Variants in CILK1 observed in about 807,000 individuals in gnomAD.
CILK1 encodes serine/threonine-protein kinase ICK.
Under a neutral mutation model 79.2 loss-of-function variants are expected in CILK1, and 47 were observed. That is an observed-to-expected ratio of 0.59 (90% CI 0.47 to 0.76). The LOEUF (loss-of-function observed/expected upper bound fraction) is 0.76, where lower values mean the gene tolerates loss of function less well. CILK1 is among the 30% of genes least tolerant of loss of function. The pLI is 0.00. For synonymous variants in CILK1, 266 were observed against 275.9 expected, an observed-to-expected ratio of 0.96 and a Z score of 0.36; for missense variants, 660 against 769.5, an observed-to-expected ratio of 0.86 and a Z score of 1.68.
intron 3 of CILK1, among the ~76,000 whole-genome samples, chr6:53,033,902 T>C (rs1168249642): frequency 6.6e-6 from 1 of 152,188 alleles, no homozygotes; most frequent in African/African-American, 2.4e-5. Flanking sequence ...AGAAGAATAG[T>C]TCCTGCCAAC....
At chr6:53,028,102 G>A (rs554767114) in intron 5 of CILK1, among the ~76,000 whole-genome samples, 38 of 148,878 alleles carry the variant, frequency 2.6e-4, no homozygotes, top group African/African-American at 8.5e-4. Context: ...AGCTGAGATC[G>A]CGCCACTGCA....
chr6:53,037,832 C>A, intron 3 of CILK1, 107 bp downstream of exon 3: 1 of 704,392 alleles, frequency 1.4e-6, no homozygotes, highest in African/African-American at 1.8e-5. Context: ...CCCTTTCCAG[C>A]ATTAGTGAAA....
At chr6:53,008,338 C>G (rs929985607) in intron 12 of CILK1, among the ~76,000 whole-genome samples, 6 of 151,822 alleles carry the variant, frequency 4.0e-5, no homozygotes, top group Non-Finnish European at 8.8e-5. Flanking sequence ...AATAAACACT[C>G]GATCAGGCTG....
At position 53,004,533 on chromosome 6, in the gene CILK1, A is replaced by G. The variant is rs1764109566; in HGVS notation, c.*616T>C. The G allele has an allele frequency of 6.6e-6, 1 of 152,510 alleles. No individual in the cohort carries two copies. The highest frequency in any genetic ancestry group is 1.5e-5 in the Non-Finnish European group (1 of 68,060). The allele number at this position is 152,510 out of a possible 1,614,324, so 9.4% of individuals were successfully genotyped here. On this transcript the variant is annotated 3_prime_UTR_variant, in exon 14 of 14. Coordinates refer to ENST00000676107, the MANE Select transcript of CILK1 (RefSeq NM_014920.5). ...TGGGGAACAAAAGTAAAACAAAGTG[A>G]ATTATATAATATAATAGTCCTTTTA...
Position 53,061,368 on chromosome 6 carries a change from T to C in CILK1, c.-173+228A>G, listed in dbSNP as rs974004105. 5.3e-5 allele frequency among the ~76,000 whole-genome samples: 8 copies of C among 152,308 alleles called. No homozygotes were observed. In the South Asian group the frequency reaches 1.0e-3, roughly 20 times the overall value. ...AATTAGCTAGGGTCTTCCCCCTCCT[T>C]AAGACTAAAAGATAAACACCCGTCA... On this transcript the variant is annotated intron_variant, in intron 1 of 13. Coordinates refer to ENST00000676107, the MANE Select transcript of CILK1 (RefSeq NM_014920.5).
rs199803961 is a variant in CILK1 at position 53,005,178 on chromosome 6, A to C, written c.1870T>G (p.Trp624Gly). Residue 624 changes from tryptophan (W) to glycine (G), a missense_variant, in exon 14 of 14, where the codon TGG becomes GGG. Physicochemically the swap from Trp to Gly is radical, Grantham distance 184 (BLOSUM62 -2). Transcript: ENST00000676107. ...CGCCGAGATGCGTACTTGGAAGCCCAGTCTGTCCGGCCATGCACTGGCTGG... is the reference window on the plus strand; with the variant it reads ...CGCCGAGATGCGTACTTGGAAGCCCCGTCTGTCCGGCCATGCACTGGCTGG... ...AAQPVHGRTD[W>G]ASKYASRR The C allele has an allele frequency of 6.8e-6, 11 of 1,614,252 alleles. No individual in the cohort carries two copies. In the African/African-American group the frequency reaches 1.3e-4, roughly 20 times the overall value.
chr6:53,004,822 C>A lies in CILK1; in HGVS notation c.*327G>T. ...ATTATCTGGAACCCCAAAGGAAAAT[C>A]AATTAATTTTTAAAAAGTTCATTAC... is the stretch of plus-strand genomic sequence containing the variant. On this transcript the variant is annotated 3_prime_UTR_variant, in exon 14 of 14. Transcript: ENST00000676107. 1 of 226,366 alleles carries A rather than the reference C, an allele frequency of 4.4e-6. No homozygotes were observed. Among genetic ancestry groups the A allele is most frequent in the Non-Finnish European group, 8.8e-6 (1 of 113,234 alleles). 14.0% of individuals were successfully genotyped at this position (226,366 alleles called of 1,614,324 possible). A position where few individuals can be genotyped will look rare whatever the true frequency, so the allele number is the denominator to read the frequency against.
chr6:53,023,488 A>T (rs1048692264), intron 5 of CILK1, among the ~76,000 whole-genome samples: 1 of 152,222 alleles, frequency 6.6e-6, no homozygotes, highest in African/African-American at 2.4e-5. Context: ...ATGAGACAGC[A>T]CTGAGAACTG....
At chr6:53,022,198 T>C (rs747159294) in intron 5 of CILK1, among the ~76,000 whole-genome samples, 1 of 152,180 alleles carries the variant, frequency 6.6e-6, no homozygotes, top group Non-Finnish European at 1.5e-5. Context: ...AGATTAATTA[T>C]TGAAGAAAGA....
At chr6:53,011,441 A>G (rs1764564253) in intron 11 of CILK1, among the ~76,000 whole-genome samples, 1 of 152,222 alleles carries the variant, frequency 6.6e-6, no homozygotes, top group African/African-American at 2.4e-5. Context: ...CTACTAAAAA[A>G]TACAAAAATT....
chr6:53,037,795 C>A, intron 3 of CILK1, 144 bp downstream of exon 3: 1 of 622,484 alleles, frequency 1.6e-6, no homozygotes, highest in Non-Finnish European at 2.9e-6. Context: ...TAATCTTCTG[C>A]TTCAGCTGTA....
chr6:53,055,941 C>G (rs916973649), intron 1 of CILK1, among the ~76,000 whole-genome samples: 1 of 152,128 alleles, frequency 6.6e-6, no homozygotes, highest in African/African-American at 2.4e-5. Flanking sequence ...TGAGCTAGAA[C>G]GAGAGTCCCC....
intron 1 of CILK1, among the ~76,000 whole-genome samples, chr6:53,056,806 T>G (rs1767911252): frequency 6.6e-6 from 1 of 152,226 alleles, no homozygotes; most frequent in South Asian, 2.1e-4. Context: ...AAGGCAATCC[T>G]GACCATAGAT....
At chr6:53,031,866 C>T (rs958080102) in intron 4 of CILK1, among the ~76,000 whole-genome samples, 2 of 152,026 alleles carry the variant, frequency 1.3e-5, no homozygotes, top group Non-Finnish European at 2.9e-5. Context: ...GGAGTTTCGC[C>T]GTTGTTGACC....
rs1382610761 is a variant in CILK1, at chr6:53,012,094, G to C, written c.1286C>G (p.Ser429Cys). The C allele has an allele frequency of 6.2e-7, 1 of 1,614,176 alleles. No homozygotes were observed. Among genetic ancestry groups the C allele is most frequent in the Admixed American group, 1.7e-5 (1 of 60,024 alleles). The change falls in exon 10 of 14, where the codon TCC becomes TGC. Residue 429 changes from serine (S) to cysteine (C), a missense_variant. Coordinates refer to ENST00000676107, the MANE Select transcript of CILK1 (RefSeq NM_014920.5). The stretch of plus-strand genomic sequence containing the variant: ...GTTTTTCAGGTCAATCCTGCTGAGG[G>C]ATGGACTGAAATCCAAGTCATCCAA... ...ADLDDLDFSP[S>C]LSRIDLKNKK...
intron 1 of CILK1, among the ~76,000 whole-genome samples, chr6:53,049,991 G>T (rs752517533): frequency 3.9e-5 from 6 of 152,122 alleles, no homozygotes; most frequent in African/African-American, 7.2e-5. Flanking sequence ...AAAGTGTTGG[G>T]GTTACAGGTG....
chr6:53,023,978 A>G (rs908556944), intron 5 of CILK1, among the ~76,000 whole-genome samples: 2 of 152,224 alleles, frequency 1.3e-5, no homozygotes, highest in Non-Finnish European at 2.9e-5. Flanking sequence ...GAGAGGAGGA[A>G]GTACTTCCTT....
rs554746985 is a variant in CILK1, at chr6:53,041,307, C to T, written c.-71G>A. On this transcript the variant is annotated 5_prime_UTR_variant, in exon 2 of 14. Coordinates refer to ENST00000676107, the MANE Select transcript of CILK1 (RefSeq NM_014920.5). ...TCAGTTCTGCAGTGGTAGCAGTCCTCCCCAGAGTGTAACCAGATTTTTCGA... is the reference window on the plus strand; with the variant it reads ...TCAGTTCTGCAGTGGTAGCAGTCCTTCCCAGAGTGTAACCAGATTTTTCGA... The T allele has an allele frequency of 1.1e-4, 118 of 1,045,988 alleles. 1 individual carries two copies. In the South Asian group the frequency reaches 1.4e-3, roughly 13 times the overall value. The allele number at this position is 1,045,988 out of a possible 1,614,324, so 64.8% of individuals were successfully genotyped here.
intron 1 of CILK1, among the ~76,000 whole-genome samples, chr6:53,043,973 A>G (rs940397817): frequency 2.6e-5 from 4 of 152,144 alleles, no homozygotes; most frequent in Non-Finnish European, 5.9e-5. Context: ...TAGCACTCCA[A>G]GAAGCAGAAA....
Sources: allele counts gnomAD v4.1 joint callset (sites outside exome capture counted in the v4.1 genomes callset), GRCh38; gene constraint gnomAD v4.1.1; transcripts MANE v1.5; gene names NCBI Gene and HGNC (gene_info 2026-07-23, HGNC 2026-07-21).